NALF1: variants seen among roughly 807,000 people sequenced by gnomAD.
NALF1 encodes NALCN channel auxiliary factor 1, also known as family with sequence similarity 155 member A.
Under a neutral mutation model 48.4 loss-of-function variants are expected in NALF1, and 3 were observed. The observed-to-expected ratio is 0.06, with a 90% CI of 0.03 to 0.16. The LOEUF is 0.16. Among genes scored for constraint, NALF1 ranks in the 10% least tolerant of loss-of-function variants. The pLI is 1.00. For missense variants in NALF1, 526 were observed against 571.5 expected, an observed-to-expected ratio of 0.92 and a Z score of 0.81; for synonymous variants, 262 against 245.7, an observed-to-expected ratio of 1.07 and a Z score of -0.62.
intron 2 of NALF1, among the ~76,000 whole-genome samples, chr13:107,207,691 C>A (rs1296083421): frequency 1.3e-5 from 2 of 152,198 alleles, no homozygotes; most frequent in Non-Finnish European, 2.9e-5. Context: ...CTATGCTGCC[C>A]AGGCTGGAGT....
intron 1 of NALF1, among the ~76,000 whole-genome samples, chr13:107,448,532 G>C (rs1258090489): frequency 6.6e-6 from 1 of 152,174 alleles, no homozygotes; most frequent in African/African-American, 2.4e-5. Flanking sequence ...GTTTTGGGAA[G>C]GGTAATGTCC....
rs376117038 is a variant in NALF1, at chr13:107,772,331, G to A, written c.915+93351C>T. Among the ~76,000 whole-genome samples, 8 of 152,044 alleles carry A rather than the reference G, an allele frequency of 5.3e-5. No homozygotes were observed. The East Asian group carries it at 1.2e-3, about 22-fold the overall frequency. On this transcript the variant is annotated intron_variant, in intron 1 of 2. Coordinates refer to ENST00000375915, the MANE Select transcript of NALF1 (RefSeq NM_001080396.3). ...TTCTCTTGGGGTCTGGATAGGGACC[G>A]CTTTCCTATACCATTAGTAGTGAAA... is the stretch of plus-strand genomic sequence containing the variant.
At chr13:107,252,523 G>A (rs927557063) in intron 1 of NALF1, among the ~76,000 whole-genome samples, 2 of 151,928 alleles carry the variant, frequency 1.3e-5, no homozygotes, top group African/African-American at 4.8e-5. Flanking sequence ...AAGAAAGAAG[G>A]AGACAGAAGA....
chr13:107,251,389 T>G (rs1014046301), intron 1 of NALF1, among the ~76,000 whole-genome samples: 6 of 152,154 alleles, frequency 3.9e-5, no homozygotes, highest in Non-Finnish European at 8.8e-5. Flanking sequence ...AGATGAAAAT[T>G]TCCATTTTTG....
intron 2 of NALF1, among the ~76,000 whole-genome samples, chr13:107,187,073 C>G (rs555217082): frequency 6.6e-6 from 1 of 152,306 alleles, no homozygotes; most frequent in Non-Finnish European, 1.5e-5. Flanking sequence ...TCTCATGCTT[C>G]CCATCTCTCT....
intron 1 of NALF1, among the ~76,000 whole-genome samples, chr13:107,401,312 T>C (rs1213766541): frequency 6.6e-6 from 1 of 152,170 alleles, no homozygotes; most frequent in Non-Finnish European, 1.5e-5. Flanking sequence ...CTACTATCCC[T>C]GGTTTCAGGC....
At chr13:107,231,058 C>CAAAAAAAAAAAA (rs3072074) in intron 1 of NALF1, among the ~76,000 whole-genome samples, 1 of 83,570 alleles carries the variant, frequency 1.2e-5, no homozygotes, top group Non-Finnish European at 2.3e-5. Flanking sequence ...AAGACCCGGC[C>CAAAAAAAAAAAA]AAAAAAAAAA....
chr13:107,170,666 G>A lies in NALF1; in HGVS notation c.1208C>T (p.Ser403Leu), dbSNP rs1389712905. ...TCTTGTTGCTGATGACACTGTGAGC[G>A]ATGTCCTGTGACAGGAGCCACTTTT... The part of the protein sequence containing the change: ...VEKSGSCHRT[S>L]LTVSSATRLC... Residue 403 changes from serine (S) to leucine (L), a missense_variant, in exon 3 of 3, where the codon TCG becomes TTG. Physicochemically the swap from Ser to Leu is moderately radical, Grantham distance 145. Around this residue, in one of 2 missense-constraint regions of NALF1, gnomAD observed 153 missense variants for 215.9 expected, o/e 0.71. Coordinates refer to ENST00000375915, the MANE Select transcript of NALF1 (RefSeq NM_001080396.3). 3.7e-6 allele frequency: 6 copies of A among 1,614,214 alleles called. No individual in the cohort carries two copies. Among genetic ancestry groups the A allele is most frequent in the East Asian group, 2.2e-5 (1 of 44,880 alleles).
At chr13:107,227,926 G>C (rs1880138070) in intron 1 of NALF1, among the ~76,000 whole-genome samples, 1 of 152,132 alleles carries the variant, frequency 6.6e-6, no homozygotes, top group African/African-American at 2.4e-5. Flanking sequence ...AGTCGGCAAA[G>C]AGCAATATTT....
intron 1 of NALF1, among the ~76,000 whole-genome samples, chr13:107,780,456 G>C (rs866258096): frequency 6.6e-6 from 1 of 151,746 alleles, no homozygotes; most frequent in Non-Finnish European, 1.5e-5. Context: ...ATTTCTCACA[G>C]GTGTTGAAAG....
At chr13:107,432,636 C>T (rs1884401072) in intron 1 of NALF1, among the ~76,000 whole-genome samples, 1 of 152,084 alleles carries the variant, frequency 6.6e-6, no homozygotes, top group Non-Finnish European at 1.5e-5. Context: ...AGCCTTCAAC[C>T]TCTGGATGTG....
chr13:107,611,056 A>C (rs1272292200), intron 1 of NALF1, among the ~76,000 whole-genome samples: 1 of 152,224 alleles, frequency 6.6e-6, no homozygotes, highest in African/African-American at 2.4e-5. Flanking sequence ...TACAGTCTAG[A>C]TATCACAAGA....
At chr13:107,249,961 A>G (rs1244975592) in intron 1 of NALF1, among the ~76,000 whole-genome samples, 2 of 152,080 alleles carry the variant, frequency 1.3e-5, no homozygotes, top group Admixed American at 1.3e-4. Flanking sequence ...CTTCCTTAGT[A>G]TCACTTGATG....
At chr13:107,424,129 T>C (rs756534189) in intron 1 of NALF1, among the ~76,000 whole-genome samples, 3 of 151,772 alleles carry the variant, frequency 2.0e-5, no homozygotes, top group Non-Finnish European at 2.9e-5. Context: ...GATACAGCTA[T>C]TTACTTGTTT....
chr13:107,711,466 G>T (rs556285471), intron 1 of NALF1, among the ~76,000 whole-genome samples: 41 of 152,348 alleles, frequency 2.7e-4, no homozygotes, highest in Non-Finnish European at 5.0e-4. Context: ...CTCTGGAGTA[G>T]CTGGGGCTAC....
intron 1 of NALF1, among the ~76,000 whole-genome samples, chr13:107,423,070 C>A (rs976885388): frequency 6.6e-6 from 1 of 152,172 alleles, no homozygotes; most frequent in African/African-American, 2.4e-5. Context: ...CTCACCCCTA[C>A]ATTCGTGTTC....
chr13:107,817,597 C>G (rs1879205227), intron 1 of NALF1, among the ~76,000 whole-genome samples: 1 of 152,172 alleles, frequency 6.6e-6, no homozygotes, highest in African/African-American at 2.4e-5. Flanking sequence ...GTAAACCATC[C>G]ATCTGTGCCT....
At chr13:107,516,584 G>A (rs1433244182) in intron 1 of NALF1, among the ~76,000 whole-genome samples, 1 of 151,970 alleles carries the variant, frequency 6.6e-6, no homozygotes, top group Non-Finnish European at 1.5e-5. Context: ...AACAATTTAA[G>A]TAATCTTGTA....
chr13:107,320,791 C>G (rs1262367047), intron 1 of NALF1: 1 of 152,108 alleles, frequency 6.6e-6, no homozygotes, highest in Non-Finnish European at 1.5e-5. Flanking sequence ...ATCTTATGAT[C>G]TCCAATGCTC....
Sources: allele counts gnomAD v4.1 joint callset (sites outside exome capture counted in the v4.1 genomes callset), GRCh38; gene constraint gnomAD v4.1.1; regional missense constraint gnomAD v4.1.1; transcripts MANE v1.5; gene names NCBI Gene and HGNC (gene_info 2026-07-23, HGNC 2026-07-21).